Variants in SYK observed in about 807,000 individuals in gnomAD.
The protein encoded by SYK is tyrosine-protein kinase SYK.
A neutral mutation model predicts 77.8 loss-of-function variants in SYK; 16 were observed. The observed-to-expected ratio is 0.21, with a 90% CI of 0.14 to 0.31. The LOEUF (loss-of-function observed/expected upper bound fraction) is 0.31. Among genes scored for constraint, SYK ranks in the 10% least tolerant of loss-of-function variants. The pLI is 1.00. For missense variants in SYK, 529 were observed against 814.4 expected (o/e 0.65, Z 4.26); for synonymous variants, 312 against 308.7 (o/e 1.01, Z -0.11).
intron 1 of SYK, among the ~76,000 whole-genome samples, chr9:90,807,878 G>A (rs966776174): frequency 6.6e-6 from 1 of 152,082 alleles, no homozygotes; most frequent in Admixed American, 6.5e-5. Context: ...CTCTTCTTTC[G>A]TCCTGTGCAT....
chr9:90,806,382 G>T (rs1397758555), intron 1 of SYK, among the ~76,000 whole-genome samples: 1 of 151,630 alleles, frequency 6.6e-6, no homozygotes, highest in Non-Finnish European at 1.5e-5. Context: ...ATTTGGTGTG[G>T]GACTTTTCTT....
At chr9:90,863,926 C>T (rs1264097335) in intron 4 of SYK, among the ~76,000 whole-genome samples, 3 of 152,236 alleles carry the variant, frequency 2.0e-5, no homozygotes, top group Non-Finnish European at 2.9e-5. Flanking sequence ...TCCCAAGAAT[C>T]TTTACTATTT....
chr9:90,876,287 CAAA>C (rs71923873), intron 9 of SYK, among the ~76,000 whole-genome samples: 48 of 120,050 alleles, frequency 4.0e-4, no homozygotes, highest in East Asian at 1.1e-3. Context: ...AACTCTGCCT[CAAA>C]AAAAAAAAAA....
intron 7 of SYK, among the ~76,000 whole-genome samples, chr9:90,871,671 A>G (rs544620217): frequency 1.3e-5 from 2 of 152,322 alleles, no homozygotes; most frequent in African/African-American, 4.8e-5. Context: ...ACTCAATAGG[A>G]AACCTCCCAT....
At chr9:90,855,037 C>CACACACACACAT (rs779653843) in intron 3 of SYK, among the ~76,000 whole-genome samples, 1 of 151,360 alleles carries the variant, frequency 6.6e-6, no homozygotes, top group Non-Finnish European at 1.5e-5. Context: ...CACACACACA[C>CACACACACACAT]ACTTGAGAAC....
At chr9:90,802,724 A>G (rs1214534105) in intron 1 of SYK, among the ~76,000 whole-genome samples, 1 of 145,774 alleles carries the variant, frequency 6.9e-6, no homozygotes, top group Non-Finnish European at 1.5e-5. Flanking sequence ...TTTACGTTGG[A>G]AACAGTGTTG....
intron 1 of SYK, among the ~76,000 whole-genome samples, chr9:90,826,472 G>A (rs867979209): frequency 6.6e-6 from 1 of 152,344 alleles, no homozygotes; most frequent in Middle Eastern, 3.4e-3. Context: ...TATAAAATGA[G>A]AACTTGTTTT....
At chr9:90,842,689 T>C (rs1416664924) in intron 1 of SYK, among the ~76,000 whole-genome samples, 1 of 151,594 alleles carries the variant, frequency 6.6e-6, no homozygotes, top group Non-Finnish European at 1.5e-5. Context: ...ATGGTGTGTG[T>C]GTAGTGCAGG....
In SYK at chr9:90,802,264, G is replaced by A. The variant is rs1826761080; in HGVS notation, c.-42+371G>A. ...GGATCAGGCACAGCGCGAGGAAGTC[G>A]ATCTTGGAGCTAGAACATTTTCCTT... On this transcript the variant is annotated intron_variant, in intron 1 of 13. Transcript: ENST00000375754. Among the ~76,000 whole-genome samples, 4 of 152,336 alleles carry A rather than the reference G, an allele frequency of 2.6e-5. 1 individual carries two copies. The South Asian group carries it at 6.2e-4, about 24-fold the overall frequency.
At chr9:90,851,041 G>A (rs972237124) in intron 3 of SYK, among the ~76,000 whole-genome samples, 2 of 152,208 alleles carry the variant, frequency 1.3e-5, no homozygotes, top group South Asian at 4.1e-4. Flanking sequence ...GAGCTAGAGG[G>A]CATTTACCAC....
chr9:90,850,457 A>T (rs1227100495), intron 3 of SYK, among the ~76,000 whole-genome samples: 1 of 152,186 alleles, frequency 6.6e-6, no homozygotes, highest in African/African-American at 2.4e-5. Flanking sequence ...CGGAGGTTGC[A>T]GTGAGCCAAG....
chr9:90,837,057 T>TATAACATAA (rs1564082483), intron 1 of SYK, among the ~76,000 whole-genome samples: 31 of 152,156 alleles, frequency 2.0e-4, no homozygotes, highest in African/African-American at 7.2e-4. Context: ...AAAATATGTG[T>TATAACATAA]TAATCAGTTA....
Position 90,877,752 on chromosome 9 carries a change from C to T in SYK, c.1363C>T (p.Pro455Ser). The T allele has an allele frequency of 1.2e-6, 2 of 1,614,152 alleles. No homozygotes were observed. The highest frequency in any genetic ancestry group is 4.5e-5 in the East Asian group (2 of 44,884). ...GGTTATGGAGATGGCAGAACTTGGT[C>T]CCCTCAATAAGTATTTGCAGCAGAA... Reference protein sequence around the residue: ...MLVMEMAELGPLNKYLQQNRH... With the variant: ...MLVMEMAELGSLNKYLQQNRH... The change falls in exon 10 of 14, where the codon CCC becomes TCC. Residue 455 changes from proline (P) to serine (S), a missense_variant. Pro to Ser is a moderately conservative substitution (Grantham distance 74). Around this residue, in one of 2 missense-constraint regions of SYK, gnomAD observed 208 missense variants for 381.3 expected, o/e 0.55. Transcript: ENST00000375754.
intron 3 of SYK, among the ~76,000 whole-genome samples, chr9:90,856,764 C>G (rs1801260093): frequency 6.6e-6 from 1 of 152,200 alleles, no homozygotes; most frequent in Admixed American, 6.5e-5. Flanking sequence ...AAATCTCTCT[C>G]TCTTTCCCTC....
At chr9:90,862,414 C>A (rs1827309679) in intron 4 of SYK, 70 bp downstream of exon 4, 1 of 1,530,000 alleles carries the variant, frequency 6.5e-7, no homozygotes, top group African/African-American at 1.4e-5. Flanking sequence ...CCCATGGACT[C>A]TTAGACATGA....
At chr9:90,892,807 GC>G (rs1450020863) in intron 13 of SYK, among the ~76,000 whole-genome samples, 1 of 152,228 alleles carries the variant, frequency 6.6e-6, no homozygotes, top group East Asian at 1.9e-4. Context: ...GGGGGCCTCT[GC>G]CGAATGGAGA....
intron 3 of SYK, among the ~76,000 whole-genome samples, chr9:90,860,544 G>A (rs1234890779): frequency 6.6e-6 from 1 of 152,128 alleles, no homozygotes; most frequent in Non-Finnish European, 1.5e-5. Context: ...CAACTCGGTT[G>A]GTTTGGGAAG....
intron 11 of SYK, among the ~76,000 whole-genome samples, chr9:90,887,430 GTC>G (rs1368357756): frequency 1.4e-5 from 2 of 141,802 alleles, no homozygotes; most frequent in African/African-American, 5.3e-5. Context: ...TTGAGATGGA[GTC>G]TCTCGTTGTG....
chr9:90,896,529 A>T lies in SYK; in HGVS notation c.*929A>T, dbSNP rs976351413. ...TCCCCTGTCGCTTTCTGTGTCTGCA[A>T]TGGGGGGCAGCACAGGGATCAAAGC... On this transcript the variant is annotated 3_prime_UTR_variant, in exon 14 of 14. Transcript: ENST00000375754. 4.7e-5 allele frequency: 11 copies of T among 232,946 alleles called. No homozygotes were observed. The East Asian group carries it at 6.0e-4, about 13-fold the overall frequency. The allele number at this position is 232,946 out of a possible 1,614,324, so 14.4% of individuals were successfully genotyped here.
Sources: gnomAD v4.1 joint callset for allele counts (sites outside exome capture counted in the v4.1 genomes callset) on GRCh38, gnomAD v4.1.1 for gene constraint, gnomAD v4.1.1 regional missense constraint, MANE v1.5 for transcripts, NCBI Gene and HGNC (gene_info 2026-07-23, HGNC 2026-07-21) for gene names.